PAM: variants seen among roughly 807,000 people sequenced by gnomAD.
PAM encodes peptidylglycine alpha-amidating monooxygenase.
A neutral mutation model predicts 122.1 loss-of-function variants in PAM; 72 were observed. The ratio of observed to expected loss-of-function variants is 0.59; its 90% CI spans 0.49 to 0.72. PAM has a LOEUF of 0.72. PAM is among the 30% of genes least tolerant of loss of function. The pLI, the probability that PAM is intolerant of heterozygous loss-of-function variation, is 0.00. For synonymous variants in PAM, 389 were observed against 404.4 expected (o/e 0.96, Z 0.46); for missense variants, 1,106 against 1,183.7 (o/e 0.93, Z 0.96).
intron 4 of PAM, among the ~76,000 whole-genome samples, chr5:102,913,023 T>C (rs1032925560): frequency 2.0e-5 from 3 of 151,958 alleles, no homozygotes; most frequent in Admixed American, 2.0e-4. Flanking sequence ...TAAGTGATGT[T>C]TTCTTAATTT....
intron 3 of PAM, 49 bp downstream of exon 3, chr5:102,867,442 A>G (rs368627926): frequency 3.5e-6 from 5 of 1,446,852 alleles, no homozygotes; most frequent in Non-Finnish European, 4.8e-6. Context: ...GATACAATCT[A>G]TAATTAAAGT....
At chr5:102,835,349 C>T (rs13156823) in intron 1 of PAM, among the ~76,000 whole-genome samples, 12,233 of 151,972 alleles carry the variant, frequency 0.08, 857 homozygotes, top group African/African-American at 0.18. Context: ...GTTTTGGGTA[C>T]ACTTAAAGAA....
Position 103,003,156 on chromosome 5 carries a change from T to C in PAM, c.1730+7T>C. The C allele has an allele frequency of 8.6e-7, 1 of 1,165,288 alleles. No individual in the cohort carries two copies. The highest frequency in any genetic ancestry group is 1.3e-6 in the Non-Finnish European group (1 of 769,998). The allele number at this position is 1,165,288 out of a possible 1,614,324, so 72.2% of individuals were successfully genotyped here. A position where few individuals can be genotyped will look rare whatever the true frequency, so the allele number is the denominator to read the frequency against. The stretch of plus-strand genomic sequence containing the variant: ...AGTCCAGTGGAAAAAATCTGTGAGT[T>C]AAATGACTTATGTTGTTAAGACTTG... On this transcript the variant is annotated splice_region_variant and intron_variant, in intron 17 of 25. Transcript: ENST00000438793.
chr5:102,981,066 A>G (rs1732553093), intron 15 of PAM, among the ~76,000 whole-genome samples: 1 of 152,140 alleles, frequency 6.6e-6, no homozygotes, highest in Admixed American at 6.5e-5. Context: ...CTAATATGTG[A>G]CAAATGAGTG....
chr5:102,909,254 T>G (rs1176318931), intron 4 of PAM, among the ~76,000 whole-genome samples: 3 of 151,834 alleles, frequency 2.0e-5, no homozygotes, highest in Non-Finnish European at 4.4e-5. Flanking sequence ...CTGCCTCAGA[T>G]CTCAGCACTA....
At chr5:102,794,482 A>G (rs1762851906) in intron 1 of PAM, among the ~76,000 whole-genome samples, 1 of 152,178 alleles carries the variant, frequency 6.6e-6, no homozygotes, top group Non-Finnish European at 1.5e-5. Flanking sequence ...AGAAATTAGT[A>G]TTATTGAATT....
chr5:102,957,421 C>T (rs959943097), intron 12 of PAM, among the ~76,000 whole-genome samples: 4 of 152,214 alleles, frequency 2.6e-5, no homozygotes, highest in African/African-American at 9.6e-5. Flanking sequence ...CAGTCATGAG[C>T]ACATTGTGTA....
intron 1 of PAM, among the ~76,000 whole-genome samples, chr5:102,844,137 C>A (rs1403799709): frequency 6.6e-6 from 1 of 152,166 alleles, no homozygotes; most frequent in African/African-American, 2.4e-5. Flanking sequence ...AAGGAATGAA[C>A]TATTGATACA....
chr5:102,925,025 C>G lies in PAM; in HGVS notation c.425C>G (p.Pro142Arg), dbSNP rs1313632493. Residue 142 changes from proline to arginine, a missense_variant, in exon 6 of 26, where the codon CCT (proline) becomes CGT (arginine). Physicochemically the swap from Pro to Arg is moderately radical, Grantham distance 103. Around this residue, in one of 3 missense-constraint regions of PAM, gnomAD observed 670 missense variants for 690.3 expected, o/e 0.97. Coordinates refer to ENST00000438793, the MANE Select transcript of PAM (RefSeq NM_001177306.2). ...TATGCCTGGGCGAGAAATGCTCCCC[C>G]TACCCGGCTCCCCAAAGGTATGTCA... is the stretch of plus-strand genomic sequence containing the variant. ...ILYAWARNAP[P>R]TRLPKGVGFR... is the part of the protein sequence containing the mutation. The G allele has an allele frequency of 1.9e-6, 3 of 1,572,080 alleles. No individual in the cohort carries two copies. The highest frequency in any genetic ancestry group is 1.3e-5 in the African/African-American group (1 of 74,280).
chr5:102,794,364 C>T (rs111670406), intron 1 of PAM, among the ~76,000 whole-genome samples: 2 of 152,134 alleles, frequency 1.3e-5, no homozygotes, highest in African/African-American at 2.4e-5. Flanking sequence ...TTTCCACCAA[C>T]TGAAGGAAGG....
At chr5:102,835,009 C>T (rs1038813517) in intron 1 of PAM, among the ~76,000 whole-genome samples, 3 of 152,034 alleles carry the variant, frequency 2.0e-5, no homozygotes, top group Admixed American at 1.3e-4. Flanking sequence ...GTTGATTTTT[C>T]GGTCTGAATT....
chr5:102,850,204 T>A (rs189455502), intron 1 of PAM, among the ~76,000 whole-genome samples: 1 of 152,284 alleles, frequency 6.6e-6, no homozygotes, highest in Non-Finnish European at 1.5e-5. Context: ...TGAAGCTTGA[T>A]GCTTGCTGGG....
chr5:102,991,246 T>C (rs188632841), intron 16 of PAM, among the ~76,000 whole-genome samples: 127 of 152,292 alleles, frequency 8.3e-4, no homozygotes, highest in Non-Finnish European at 1.1e-3. Context: ...TTAATGGAAT[T>C]GTAAGCATGT....
chr5:103,018,671 A>G (rs564510583), intron 22 of PAM, among the ~76,000 whole-genome samples: 1 of 152,322 alleles, frequency 6.6e-6, no homozygotes, highest in African/African-American at 2.4e-5. Context: ...TCAGAACAAA[A>G]ACAAATGCAA....
intron 3 of PAM, among the ~76,000 whole-genome samples, chr5:102,874,740 A>T (rs1415334961): frequency 4.6e-5 from 7 of 151,542 alleles, no homozygotes; most frequent in Non-Finnish European, 8.8e-5. Flanking sequence ...TTTGCTTTTT[A>T]TTTTTTTTCC....
intron 14 of PAM, among the ~76,000 whole-genome samples, chr5:102,972,056 G>T (rs1023211529): frequency 2.0e-5 from 3 of 152,112 alleles, no homozygotes; most frequent in African/African-American, 7.2e-5. Context: ...AAATTCACAT[G>T]AACTGGAGTG....
At chr5:102,801,853 A>G (rs2150097346) in intron 1 of PAM, among the ~76,000 whole-genome samples, 1 of 132,478 alleles carries the variant, frequency 7.5e-6, no homozygotes, top group African/African-American at 2.9e-5. Flanking sequence ...ATCTCGGCTC[A>G]CTGCAAGCTC....
At chr5:102,863,832 G>T (rs191679923) in intron 1 of PAM, among the ~76,000 whole-genome samples, 5 of 150,658 alleles carry the variant, frequency 3.3e-5, no homozygotes, top group Admixed American at 2.0e-4. Context: ...TAGCTTACAA[G>T]TCATCCAGAA....
chr5:102,991,462 AC>A (rs1166272894), intron 16 of PAM, among the ~76,000 whole-genome samples: 2 of 152,152 alleles, frequency 1.3e-5, no homozygotes, highest in Non-Finnish European at 2.9e-5. Context: ...CATACATATA[AC>A]TATGGGTCTC....
Sources: gnomAD v4.1 joint callset for allele counts (sites outside exome capture counted in the v4.1 genomes callset) on GRCh38, gnomAD v4.1.1 for gene constraint, gnomAD v4.1.1 regional missense constraint, MANE v1.5 for transcripts, NCBI Gene and HGNC (gene_info 2026-07-23, HGNC 2026-07-21) for gene names.